TRPV2: variants seen among roughly 807,000 people sequenced by gnomAD.
TRPV2 encodes transient receptor potential cation channel subfamily V member 2.
A neutral mutation model predicts 91.0 loss-of-function variants in TRPV2; 58 were observed. That is an observed-to-expected ratio of 0.64 (90% confidence interval 0.52 to 0.79). The LOEUF (loss-of-function observed/expected upper bound fraction) is 0.79. Among genes scored for constraint, TRPV2 ranks in the 30% least tolerant of loss-of-function variants. TRPV2 has a pLI of 0.00. For missense variants in TRPV2, 807 were observed against 969.6 expected (o/e 0.83, Z 2.23); for synonymous variants, 417 against 414.8 (o/e 1.01, Z -0.06).
chr17:16,435,189 A>T lies in TRPV2; in HGVS notation c.2194+220A>T, dbSNP rs945385204. On this transcript the variant is annotated intron_variant, in intron 14 of 14. Coordinates refer to ENST00000338560, the MANE Select transcript of TRPV2 (RefSeq NM_016113.5). This position sits in a 1 kb window ranked among gnomAD's most constrained non-coding sequence, Gnocchi z 4.2. ...TGCTTTCAGGCAGGAACCAGGGGAA[A>T]CCTCTGAGGCTGTTAGCGCTTCCAC... Among the ~76,000 whole-genome samples, 3 of 151,312 alleles carry T rather than the reference A, an allele frequency of 2.0e-5. No homozygotes were observed. Among genetic ancestry groups the T allele is most frequent in the African/African-American group, 4.9e-5 (2 of 41,088 alleles).
chr17:16,417,243 G>A (rs1172418097), intron 1 of TRPV2, among the ~76,000 whole-genome samples: 1 of 148,996 alleles, frequency 6.7e-6, no homozygotes, highest in African/African-American at 2.5e-5. Context: ...AGAAGTAATG[G>A]CAAAAACCGC....
At chr17:16,422,452 C>T in intron 3 of TRPV2, 147 bp from the exon 4 acceptor site, 1 of 716,852 alleles carries the variant, frequency 1.4e-6, no homozygotes, top group Non-Finnish European at 2.3e-6. Context: ...TAGCCTATAA[C>T]ATGGTTGTGC....
At chr17:16,428,476 G>A in intron 9 of TRPV2, 89 bp downstream of exon 9, 1 of 1,393,070 alleles carries the variant, frequency 7.2e-7, no homozygotes, top group South Asian at 1.2e-5. Flanking sequence ...TGGCTTTAGA[G>A]GCGAGGACAC....
intron 3 of TRPV2, 34 bp from the exon 4 acceptor site, chr17:16,422,565 C>A (rs374034188): frequency 6.3e-7 from 1 of 1,595,864 alleles, no homozygotes; most frequent in Non-Finnish European, 8.5e-7. Context: ...GGTCTCAGCA[C>A]CACTGTGCCC....
intron 12 of TRPV2, among the ~76,000 whole-genome samples, chr17:16,433,016 G>A (rs2093420493): frequency 6.6e-6 from 1 of 152,096 alleles, no homozygotes. Flanking sequence ...TGTTGGTCAA[G>A]CTGGTCTTGA....
chr17:16,431,686 T>C, intron 10 of TRPV2, 98 bp from the exon 11 acceptor site: 1 of 1,066,572 alleles, frequency 9.4e-7, no homozygotes, highest in Non-Finnish European at 1.5e-6. Flanking sequence ...GTATGTGCAG[T>C]GTACACGGGA....
At chr17:16,431,289 A>ATTTT (rs1491306214) in intron 10 of TRPV2, among the ~76,000 whole-genome samples, 2 of 16,102 alleles carry the variant, frequency 1.2e-4, no homozygotes, top group East Asian at 1.1e-3. Context: ...ATATATATAC[A>ATTTT]TATTTTTTTT....
rs2093385230 is a variant in TRPV2 at position 16,426,781 on chromosome 17, T to C, written c.1155T>C (p.Asp385=). The change falls in exon 7 of 15, where the codon GAT becomes GAC. Residue 385 remains aspartate, a synonymous_variant. Transcript: ENST00000338560. The surrounding 1 kb of genome is among the most constrained non-coding windows in gnomAD (Gnocchi z 6.0). ...PLNKLLQAKW[D]LLIPKFFLNF... The stretch of plus-strand genomic sequence containing the variant: ...ACAAACTGCTGCAGGCGAAATGGGA[T>C]CTGCTCATCCCCAAGTTCTTCTTAA... 6.2e-7 allele frequency: 1 copy of C among 1,613,940 alleles called. No individual in the cohort carries two copies. Among genetic ancestry groups the C allele is most frequent in the Admixed American group, 1.7e-5 (1 of 59,986 alleles).
At chr17:16,419,436 T>G (rs1212873098) in intron 2 of TRPV2, 1 of 470,826 alleles carries the variant, frequency 2.1e-6, no homozygotes, top group Non-Finnish European at 4.4e-6. Flanking sequence ...GGAAATTTCT[T>G]GCTGCCAAGC....
Position 16,435,184 on chromosome 17 carries a change from G to C in TRPV2, c.2194+215G>C, listed in dbSNP as rs556810859. ...CACCTTGCTTTCAGGCAGGAACCAG[G>C]GGAAACCTCTGAGGCTGTTAGCGCT... On this transcript the variant is annotated intron_variant, in intron 14 of 14. Transcript: ENST00000338560. This position sits in a 1 kb window ranked among gnomAD's most constrained non-coding sequence, Gnocchi z 4.2. Among the ~76,000 whole-genome samples the C allele has an allele frequency of 1.1e-4, 17 of 152,260 alleles. No homozygotes were observed. Among genetic ancestry groups the C allele is most frequent in the African/African-American group, 4.1e-4 (17 of 41,522 alleles).
chr17:16,419,049 C>T (rs978209263), intron 2 of TRPV2, among the ~76,000 whole-genome samples: 2 of 151,176 alleles, frequency 1.3e-5, no homozygotes, highest in African/African-American at 4.9e-5. Context: ...AAAAAAGTGA[C>T]GGATCCCAAC....
intron 8 of TRPV2, 58 bp downstream of exon 8, chr17:16,427,605 G>A: frequency 2.0e-6 from 3 of 1,519,060 alleles, no homozygotes; most frequent in Admixed American, 3.7e-5. Flanking sequence ...GCTTCAGGGG[G>A]CTTAGAGAAA....
intron 2 of TRPV2, 120 bp downstream of exon 2, chr17:16,417,988 C>G (rs774944902): frequency 7.9e-5 from 80 of 1,017,682 alleles, no homozygotes; most frequent in Middle Eastern, 3.1e-4. Context: ...CTGTGGAGTC[C>G]TCAGTCTGGC....
chr17:16,431,279 ATATATATACATATTT>A (rs1481874610), intron 10 of TRPV2, among the ~76,000 whole-genome samples: 1 of 74,990 alleles, frequency 1.3e-5, no homozygotes, highest in African/African-American at 5.7e-5. Flanking sequence ...ATATATATAT[ATATATATACATATTT>A]TTTTTTTTTT....
Position 16,426,902 on chromosome 17 carries a change from C to T in TRPV2, c.1251+25C>T, listed in dbSNP as rs756684361. On this transcript the variant is annotated intron_variant, in intron 7 of 14. Transcript: ENST00000338560. The surrounding 1 kb of genome is among the most constrained non-coding windows in gnomAD (Gnocchi z 6.0). ...GGCAAGGGCGTGAGGTTTGGGGGGG[C>T]ACATCTTGGGGGAGGCCTGCTTGAA... The T allele has an allele frequency of 6.9e-6, 11 of 1,594,668 alleles. No homozygotes were observed. The highest frequency in any genetic ancestry group is 1.3e-5 in the African/African-American group (1 of 74,182).
Position 16,433,698 on chromosome 17 carries a change from G to A in TRPV2, c.2114G>A (p.Arg705Lys), listed in dbSNP as rs375140228. ...DGSPDERWCF[R>K]VEEVNWASWE... ...AGCCCCGATGAGCGCTGGTGCTTCAGGTGAGTGAGTGGTGGGAGGGTCTCC... is the reference window on the plus strand; with the variant it reads ...AGCCCCGATGAGCGCTGGTGCTTCAAGTGAGTGAGTGGTGGGAGGGTCTCC... The change falls in exon 13 of 15, where the codon AGG (arginine) becomes AAG (lysine). Residue 705 changes from arginine to lysine, a missense_variant and splice_region_variant. By Grantham distance (26) the Arg-to-Lys change is conservative. Transcript: ENST00000338560. 100 of 1,613,536 alleles carry A rather than the reference G, an allele frequency of 6.2e-5. No individual in the cohort carries two copies. Among genetic ancestry groups the A allele is most frequent in the Non-Finnish European group, 8.5e-5 (100 of 1,179,916 alleles).
intron 1 of TRPV2, among the ~76,000 whole-genome samples, chr17:16,417,318 T>C (rs961344959): frequency 4.0e-5 from 6 of 148,546 alleles, no homozygotes; most frequent in East Asian, 2.0e-4. Context: ...AGTGCAGTGG[T>C]GCCATCTTAG....
intron 12 of TRPV2, among the ~76,000 whole-genome samples, chr17:16,432,521 G>A (rs997430162): frequency 3.3e-5 from 5 of 150,214 alleles, no homozygotes; most frequent in African/African-American, 7.3e-5. Flanking sequence ...GCTCAATGCA[G>A]CCTCGGCCTC....
intron 14 of TRPV2, 74 bp from the exon 15 acceptor site, chr17:16,436,715 C>A: frequency 9.4e-7 from 1 of 1,067,072 alleles, no homozygotes; most frequent in Non-Finnish European, 1.5e-6. Flanking sequence ...ATGACTGTGG[C>A]CCCGTTTCCC....
Sources: allele counts gnomAD v4.1 joint callset (sites outside exome capture counted in the v4.1 genomes callset), GRCh38; gene constraint gnomAD v4.1.1; non-coding constraint Gnocchi (gnomAD v3.1); transcripts MANE v1.5; gene names NCBI Gene and HGNC (gene_info 2026-07-23, HGNC 2026-07-21).